Variants in BRAP observed in about 807,000 individuals in gnomAD.
BRAP encodes the protein BRCA1 associated protein.
BRAP carries 42 observed loss-of-function variants against 73.4 expected under a neutral mutation model. The observed-to-expected ratio is 0.57, with a 90% CI of 0.45 to 0.74. The LOEUF is 0.74. Ranked by LOEUF, BRAP falls within the 30% of genes least tolerant of loss-of-function variation. The pLI is 0.00. For missense variants in BRAP, 593 were observed against 751.4 expected, an observed-to-expected ratio of 0.79 and a Z score of 2.46; for synonymous variants, 255 against 267.4, an observed-to-expected ratio of 0.95 and a Z score of 0.45.
At chr12:111,651,983 G>C (rs1247090187) in intron 10 of BRAP, among the ~76,000 whole-genome samples, 1 of 152,014 alleles carries the variant, frequency 6.6e-6, no homozygotes, top group African/African-American at 2.4e-5. Flanking sequence ...AATCAAAATA[G>C]ATTTAAAATC....
At chr12:111,644,631 G>C in intron 11 of BRAP, 69 bp from the exon 12 acceptor site, 2 of 1,558,532 alleles carry the variant, frequency 1.3e-6, no homozygotes, top group Middle Eastern at 1.7e-4. Flanking sequence ...TCTGCTCTGG[G>C]ATTGAACAGA....
intron 11 of BRAP, among the ~76,000 whole-genome samples, chr12:111,648,536 C>T (rs962167706): frequency 4.1e-5 from 6 of 145,218 alleles, no homozygotes; most frequent in East Asian, 2.0e-4. Context: ...CACTTGAATC[C>T]GGGAGGCGGA....
Position 111,644,091 on chromosome 12 carries a change from A to T in BRAP, c.*108T>A. ...GAAAGAGCCAAACAACTGTGGCTTG[A>T]TCCTCACTTGTACTTATTAGGGCCC... On this transcript the variant is annotated 3_prime_UTR_variant, in exon 12 of 12. Transcript: ENST00000419234. The T allele has an allele frequency of 3.5e-6, 5 of 1,437,814 alleles. No individual in the cohort carries two copies. Among genetic ancestry groups the T allele is most frequent in the Non-Finnish European group, 3.7e-6 (4 of 1,081,530 alleles). The allele number at this position is 1,437,814 out of a possible 1,614,324, so 89.1% of individuals were successfully genotyped here. A position where few individuals can be genotyped will look rare whatever the true frequency, so the allele number is the denominator to read the frequency against.
intron 10 of BRAP, among the ~76,000 whole-genome samples, chr12:111,654,157 T>C (rs1343868851): frequency 2.0e-5 from 3 of 152,132 alleles, no homozygotes; most frequent in African/African-American, 4.8e-5. Flanking sequence ...AACGAGAGCA[T>C]TGGGAGGTGG....
rs1886016154 is a variant in BRAP at position 111,644,330 on chromosome 12, G to GC, written c.1647dup (p.Pro550AlafsTer79). On this transcript the variant is annotated frameshift_variant, in exon 12 of 12. Coordinates refer to ENST00000419234, the MANE Select transcript of BRAP (RefSeq NM_006768.5). LOFTEE classifies it high-confidence loss of function. Reference sequence around the variant, plus strand: ...TGGATTTCCTGCCGGGTCTCGGCAGGCAGATGGTTGATCTTCTGCTGTGTC... The same window carrying GC: ...TGGATTTCCTGCCGGGTCTCGGCAGGCCAGATGGTTGATCTTCTGCTGTGTC... 2 of 1,613,896 alleles carry GC rather than the reference G, an allele frequency of 1.2e-6. No homozygotes were observed. The highest frequency in any genetic ancestry group is 1.7e-5 in the Admixed American group (1 of 59,962).
rs541657313 is a variant in BRAP, at chr12:111,679,832, G to A, written c.444-492C>T. ...GCAGAGCTTGCAGTGAGCCAATATC[G>A]CGCCATTGCACTCCAGCCTGGGCCA... On this transcript the variant is annotated intron_variant, in intron 3 of 11. Coordinates refer to ENST00000419234, the MANE Select transcript of BRAP (RefSeq NM_006768.5). Among the ~76,000 whole-genome samples, 4 of 132,726 alleles carry A rather than the reference G, an allele frequency of 3.0e-5. No individual in the cohort carries two copies. In the East Asian group the frequency reaches 6.9e-4, roughly 23 times the overall value. 87.1% of individuals were successfully genotyped at this position (132,726 alleles called of 152,430 possible).
At chr12:111,645,747 C>T (rs1480082248) in intron 11 of BRAP, among the ~76,000 whole-genome samples, 2 of 151,846 alleles carry the variant, frequency 1.3e-5, no homozygotes, top group Admixed American at 6.6e-5. Flanking sequence ...GAGGCTGAGG[C>T]GAGAGGATCG....
chr12:111,667,130 A>T (rs1054601262), intron 5 of BRAP, among the ~76,000 whole-genome samples: 1 of 152,190 alleles, frequency 6.6e-6, no homozygotes, highest in Non-Finnish European at 1.5e-5. Context: ...TTTTGATATA[A>T]TTAAATCATG....
intron 1 of BRAP, among the ~76,000 whole-genome samples, chr12:111,684,916 G>A (rs774532472): frequency 1.3e-5 from 2 of 152,154 alleles, no homozygotes; most frequent in South Asian, 2.1e-4. Context: ...TGACCCGCCC[G>A]CCTCGGCCTC....
intron 9 of BRAP, among the ~76,000 whole-genome samples, chr12:111,655,927 C>T (rs915438347): frequency 3.9e-5 from 6 of 152,182 alleles, no homozygotes; most frequent in African/African-American, 1.2e-4. Flanking sequence ...AGAAGAACCA[C>T]AGTGGTTTTA....
rs1886649816 is a variant in BRAP, at chr12:111,659,257, T to C, written c.1061A>G (p.His354Arg). The C allele has an allele frequency of 6.2e-7, 1 of 1,614,210 alleles. No homozygotes were observed. Reference protein sequence around the residue: ...HAYKHFEETQHTYAMQLTNHR... With the variant: ...HAYKHFEETQRTYAMQLTNHR... ...GTTGGTAAGCTGCATGGCATACGTGTGCTGCGTTTCCTCAAAGTGCTTATA... is the reference window on the plus strand; with the variant it reads ...GTTGGTAAGCTGCATGGCATACGTGCGCTGCGTTTCCTCAAAGTGCTTATA... Residue 354 changes from histidine to arginine, a missense_variant, in exon 8 of 12, where the codon CAC becomes CGC. Around this residue, in one of 4 missense-constraint regions of BRAP, gnomAD observed 67 missense variants for 158.0 expected, o/e 0.42. Transcript: ENST00000419234.
chr12:111,682,224 A>G (rs964085766), intron 2 of BRAP, among the ~76,000 whole-genome samples: 1 of 152,220 alleles, frequency 6.6e-6, no homozygotes, highest in African/African-American at 2.4e-5. Flanking sequence ...ACTTCCGCAG[A>G]TAAAATGAGC....
At chr12:111,648,309 G>A (rs1886187931) in intron 11 of BRAP, among the ~76,000 whole-genome samples, 1 of 143,918 alleles carries the variant, frequency 6.9e-6, no homozygotes, top group Non-Finnish European at 1.5e-5. Flanking sequence ...GACAGAGCAA[G>A]ACTCTCTCTA....
intron 9 of BRAP, among the ~76,000 whole-genome samples, chr12:111,656,024 T>G (rs1419766688): frequency 6.6e-6 from 1 of 152,086 alleles, no homozygotes; most frequent in Non-Finnish European, 1.5e-5. Flanking sequence ...AGCACTTGAG[T>G]CAGGCACCCC....
At chr12:111,682,933 G>C (rs949932489) in intron 2 of BRAP, among the ~76,000 whole-genome samples, 1 of 151,912 alleles carries the variant, frequency 6.6e-6, no homozygotes, top group African/African-American at 2.4e-5. Flanking sequence ...CCCCGTCACT[G>C]AACTGAATTG....
rs747705407 is a variant in BRAP, at chr12:111,644,118, C to T, written c.*81G>A. On this transcript the variant is annotated 3_prime_UTR_variant, in exon 12 of 12. Coordinates refer to ENST00000419234, the MANE Select transcript of BRAP (RefSeq NM_006768.5). ...CCTCACTTGTACTTATTAGGGCCCA[C>T]CCTCACATTTAGCTGAAGGTCCCAG... 49 of 1,523,110 alleles carry T rather than the reference C, an allele frequency of 3.2e-5. No individual in the cohort carries two copies. Among genetic ancestry groups the T allele is most frequent in the Non-Finnish European group, 3.9e-5 (45 of 1,140,276 alleles). 94.3% of individuals were successfully genotyped at this position (1,523,110 alleles called of 1,614,324 possible). A position where few individuals can be genotyped will look rare whatever the true frequency, so the allele number is the denominator to read the frequency against.
At chr12:111,679,382 T>C (rs371034185) in intron 3 of BRAP, 42 bp from the exon 4 acceptor site, 3 of 1,378,146 alleles carry the variant, frequency 2.2e-6, no homozygotes, top group Admixed American at 2.7e-5. Context: ...AGATGAGGTA[T>C]GGTTAGTTTA....
chr12:111,654,481 A>G (rs1886441859), intron 10 of BRAP, among the ~76,000 whole-genome samples: 2 of 151,906 alleles, frequency 1.3e-5, no homozygotes, highest in African/African-American at 4.8e-5. Flanking sequence ...ACGCCCGACC[A>G]GTTTCTGCAT....
At chr12:111,661,004 G>C (rs1364087700) in intron 6 of BRAP, among the ~76,000 whole-genome samples, 3 of 150,486 alleles carry the variant, frequency 2.0e-5, no homozygotes, top group African/African-American at 4.9e-5. Flanking sequence ...TTTTGAGACA[G>C]AGTCTTGCTC....
Sources: gnomAD v4.1 joint callset for allele counts (sites outside exome capture counted in the v4.1 genomes callset) on GRCh38, gnomAD v4.1.1 for gene constraint, gnomAD v4.1.1 regional missense constraint, MANE v1.5 for transcripts, NCBI Gene and HGNC (gene_info 2026-07-23, HGNC 2026-07-21) for gene names.